Variants in SLC24A2 observed in about 807,000 individuals in gnomAD.
SLC24A2 encodes the protein solute carrier family 24 member 2.
Under a neutral mutation model 62.0 loss-of-function variants are expected in SLC24A2, and 36 were observed. The ratio of observed to expected loss-of-function variants is 0.58; its 90% CI spans 0.44 to 0.77. SLC24A2 has a LOEUF of 0.77. SLC24A2 is among the 30% of genes least tolerant of loss of function. The probability of loss-of-function intolerance (pLI) is 0.00; values close to 1 mark genes in which losing one functional copy is unlikely to be tolerated. For missense variants in SLC24A2, 846 were observed against 817.9 expected, an observed-to-expected ratio of 1.03 and a Z score of -0.42; for synonymous variants, 358 against 294.0, an observed-to-expected ratio of 1.22 and a Z score of -2.23.
chr9:20,270,982 C>G, the SLC24A2 span, among the ~76,000 whole-genome samples: 1 of 152,042 alleles, frequency 6.6e-6, no homozygotes, highest in African/African-American at 2.4e-5. Flanking sequence ...TTAAAAGGAC[C>G]ATTTTCTTCT....
chr9:20,228,737 A>C, the SLC24A2 span, among the ~76,000 whole-genome samples: 2 of 152,226 alleles, frequency 1.3e-5, no homozygotes, highest in African/African-American at 4.8e-5. Flanking sequence ...CCCAGTATCC[A>C]GCCTGTGCCT....
chr9:20,095,084 A>G, the SLC24A2 span, among the ~76,000 whole-genome samples: 2 of 152,160 alleles, frequency 1.3e-5, no homozygotes, highest in African/African-American at 2.4e-5. Flanking sequence ...CAGATATGAC[A>G]TCCTGTTTTC....
the SLC24A2 span, among the ~76,000 whole-genome samples, chr9:19,871,324 T>C: frequency 2.0e-5 from 3 of 152,316 alleles, no homozygotes; most frequent in East Asian, 5.8e-4. Flanking sequence ...CTATAAATTG[T>C]TTAGATGTGA....
intron 2 of SLC24A2, among the ~76,000 whole-genome samples, chr9:19,721,649 A>C (rs78550422): frequency 0.021 from 3,233 of 152,244 alleles, 126 homozygotes; most frequent in African/African-American, 0.074. Context: ...GTGTCATTTA[A>C]TCTCCATCAT....
chr9:20,276,546 A>T, the SLC24A2 span, among the ~76,000 whole-genome samples: 3 of 152,098 alleles, frequency 2.0e-5, no homozygotes, highest in East Asian at 5.8e-4. Flanking sequence ...CTGTCAGTGG[A>T]TCTACCATTC....
intron 8 of SLC24A2, among the ~76,000 whole-genome samples, chr9:19,547,064 C>A (rs1301745642): frequency 6.6e-6 from 1 of 152,154 alleles, no homozygotes; most frequent in Non-Finnish European, 1.5e-5. Context: ...GGAGCTGTTC[C>A]TATTTGGCCA....
chr9:19,631,555 T>C (rs1437344317), intron 2 of SLC24A2, among the ~76,000 whole-genome samples: 2 of 152,164 alleles, frequency 1.3e-5, no homozygotes, highest in Non-Finnish European at 2.9e-5. Context: ...ATATTACACA[T>C]CTTTATACTT....
chr9:19,798,526 G>A, the SLC24A2 span, among the ~76,000 whole-genome samples: 2 of 152,040 alleles, frequency 1.3e-5, no homozygotes, highest in African/African-American at 4.8e-5. Flanking sequence ...GCCTATGAGT[G>A]AGATCTTTAA....
chr9:19,971,720 G>A, the SLC24A2 span, among the ~76,000 whole-genome samples: 2 of 152,136 alleles, frequency 1.3e-5, no homozygotes, highest in Non-Finnish European at 2.9e-5. Context: ...ACCAGGAGCT[G>A]AGCAGTGAAG....
intron 5 of SLC24A2, among the ~76,000 whole-genome samples, chr9:19,581,883 G>T (rs1003522664): frequency 1.3e-5 from 2 of 152,052 alleles, no homozygotes; most frequent in African/African-American, 2.4e-5. Flanking sequence ...ATGTTTCAAG[G>T]CAACTTTAAA....
the SLC24A2 span, among the ~76,000 whole-genome samples, chr9:20,066,007 T>C: frequency 6.6e-6 from 1 of 152,194 alleles, no homozygotes; most frequent in Non-Finnish European, 1.5e-5. Flanking sequence ...GCTGAGAGGA[T>C]ATTATTAACA....
chr9:19,516,518 G>T, intron 10 of SLC24A2, 116 bp from the exon 11 acceptor site: 1 of 1,303,686 alleles, frequency 7.7e-7, no homozygotes, highest in Non-Finnish European at 1.1e-6. Flanking sequence ...AACTGAAAAG[G>T]GTGTCTTGTT....
the SLC24A2 span, among the ~76,000 whole-genome samples, chr9:19,944,986 T>C: frequency 6.6e-6 from 1 of 152,220 alleles, no homozygotes; most frequent in African/African-American, 2.4e-5. Flanking sequence ...TTGGATGAAC[T>C]GGTCTTCACA....
the SLC24A2 span, among the ~76,000 whole-genome samples, chr9:19,798,923 G>T: frequency 5.3e-5 from 8 of 151,818 alleles, no homozygotes; most frequent in Admixed American, 4.6e-4. Context: ...CATCTTCTTC[G>T]GGAATAATTA....
intron 2 of SLC24A2, among the ~76,000 whole-genome samples, chr9:19,706,281 G>C (rs1205776385): frequency 6.6e-6 from 1 of 151,504 alleles, no homozygotes; most frequent in Non-Finnish European, 1.5e-5. Context: ...TTTTCCATTT[G>C]CTTGGTAGAT....
chr9:20,106,018 C>A, the SLC24A2 span, among the ~76,000 whole-genome samples: 1 of 152,158 alleles, frequency 6.6e-6, no homozygotes, highest in Non-Finnish European at 1.5e-5. Flanking sequence ...AAGGGAATAT[C>A]ACCACTGATC....
chr9:19,957,226 T>TGTGG, the SLC24A2 span, among the ~76,000 whole-genome samples: 11 of 152,154 alleles, frequency 7.2e-5, no homozygotes, highest in Non-Finnish European at 1.3e-4. Context: ...TACTCATGCT[T>TGTGG]CTCAAAGCCA....
At chr9:20,007,814 G>A in the SLC24A2 span, among the ~76,000 whole-genome samples, 1 of 133,488 alleles carries the variant, frequency 7.5e-6, no homozygotes, top group Non-Finnish European at 1.6e-5. Flanking sequence ...AGCTTGATGT[G>A]TATTTTAAGA....
chr9:20,037,436 T>A, the SLC24A2 span, among the ~76,000 whole-genome samples: 1 of 152,208 alleles, frequency 6.6e-6, no homozygotes, highest in Non-Finnish European at 1.5e-5. Context: ...TCTATTTATC[T>A]GTTGATGCAC....
Sources: allele counts gnomAD v4.1 joint callset (sites outside exome capture counted in the v4.1 genomes callset), GRCh38; gene constraint gnomAD v4.1.1; transcripts MANE v1.5; gene names NCBI Gene and HGNC (gene_info 2026-07-23, HGNC 2026-07-21).